Variants in TBC1D19 observed in about 807,000 individuals in gnomAD.
TBC1D19 encodes TBC1 domain family, member 19.
A neutral mutation model predicts 89.0 loss-of-function variants in TBC1D19; 60 were observed. That is an observed-to-expected ratio of 0.67 (90% CI 0.55 to 0.84). The LOEUF (loss-of-function observed/expected upper bound fraction) is 0.84, where lower values mean the gene tolerates loss of function less well. Among genes scored for constraint, TBC1D19 ranks in the 40% least tolerant of loss-of-function variants. TBC1D19 has a pLI of 0.00. For missense variants in TBC1D19, 500 were observed against 610.8 expected, an observed-to-expected ratio of 0.82 and a Z score of 1.91; for synonymous variants, 189 against 199.7, an observed-to-expected ratio of 0.95 and a Z score of 0.45.
chr4:26,648,651 G>T (rs1032674654), intron 7 of TBC1D19, among the ~76,000 whole-genome samples: 4 of 152,154 alleles, frequency 2.6e-5, no homozygotes, highest in African/African-American at 9.7e-5. Flanking sequence ...GTAAAACTTG[G>T]TTAGAAATTA....
chr4:26,601,436 T>C (rs1740600393), intron 1 of TBC1D19, among the ~76,000 whole-genome samples: 1 of 152,140 alleles, frequency 6.6e-6, no homozygotes. Context: ...AGTTACTGAG[T>C]ATATTGAAAG....
chr4:26,794,038 G>T, the TBC1D19 span, among the ~76,000 whole-genome samples: 2 of 152,110 alleles, frequency 1.3e-5, no homozygotes, highest in African/African-American at 4.8e-5. Flanking sequence ...GCTTGGAGGT[G>T]GGATCACGTA....
rs189184570 is a variant in TBC1D19, at chr4:26,678,807, G to A, written c.817-4868G>A. Among the ~76,000 whole-genome samples the A allele has an allele frequency of 9.7e-4, 148 of 152,182 alleles. No individual in the cohort carries two copies. In the Middle Eastern group the frequency reaches 0.014, roughly 14 times the overall value. On this transcript the variant is annotated intron_variant, in intron 11 of 20. Transcript: ENST00000264866. Reference sequence around the variant, plus strand: ...ATATGGGGGAGGTATGTAGCTTTTCGTCCTATAATCATCTTTTTTAGGAAA... The same window carrying A: ...ATATGGGGGAGGTATGTAGCTTTTCATCCTATAATCATCTTTTTTAGGAAA...
chr4:26,747,473 C>G (rs1718712952), intron 18 of TBC1D19, among the ~76,000 whole-genome samples: 1 of 152,124 alleles, frequency 6.6e-6, no homozygotes, highest in Non-Finnish European at 1.5e-5. Flanking sequence ...ATTTCTGAAA[C>G]TTGAGGATCT....
chr4:26,695,192 G>T (rs1300390940), intron 13 of TBC1D19, among the ~76,000 whole-genome samples: 1 of 152,178 alleles, frequency 6.6e-6, no homozygotes, highest in Admixed American at 6.5e-5. Context: ...ACCATGGCAT[G>T]AGAACTACGT....
chr4:26,841,539 A>G, the TBC1D19 span, among the ~76,000 whole-genome samples: 1 of 152,118 alleles, frequency 6.6e-6, no homozygotes, highest in African/African-American at 2.4e-5. Flanking sequence ...GAAAGTGGAG[A>G]TGCCTGACTT....
rs79618486 is a variant in TBC1D19 at position 26,755,824 on chromosome 4, A to G, written c.*877A>G. Among the ~76,000 whole-genome samples, 2 of 152,226 alleles carry G rather than the reference A, an allele frequency of 1.3e-5. No individual in the cohort carries two copies. The highest frequency in any genetic ancestry group is 2.1e-4 in the South Asian group (1 of 4,830). ...CAGCTGAGAGAGATTAAAAGTAGGT[A>G]GTAGGCATTCATTCTAAACTGCAGA... On this transcript the variant is annotated 3_prime_UTR_variant, in exon 21 of 21. Transcript: ENST00000264866.
chr4:26,591,789 A>G (rs1249047132), intron 1 of TBC1D19, among the ~76,000 whole-genome samples: 1 of 152,242 alleles, frequency 6.6e-6, no homozygotes, highest in Non-Finnish European at 1.5e-5. Context: ...CTAAACCAAG[A>G]AGAAGTTGAA....
At chr4:26,582,523 G>A (rs1739115351), upstream of TBC1D19, among the ~76,000 whole-genome samples, 1 of 152,174 alleles carries the variant, frequency 6.6e-6, no homozygotes, top group Non-Finnish European at 1.5e-5. Context: ...TGTTATGGTA[G>A]TGCTCTCTCT....
At chr4:26,633,266 T>C (rs1742911028) in intron 4 of TBC1D19, among the ~76,000 whole-genome samples, 1 of 152,122 alleles carries the variant, frequency 6.6e-6, no homozygotes, top group Non-Finnish European at 1.5e-5. Context: ...GGATGCTGTA[T>C]ATAATGAGCC....
At chr4:26,582,044 T>C (rs556573366), upstream of TBC1D19, among the ~76,000 whole-genome samples, 18 of 152,234 alleles carry the variant, frequency 1.2e-4, no homozygotes, top group South Asian at 3.7e-3. Flanking sequence ...TTTAAGCTTA[T>C]AATTGTTCTC....
intron 7 of TBC1D19, among the ~76,000 whole-genome samples, chr4:26,644,931 A>G (rs1046757031): frequency 2.0e-5 from 3 of 152,234 alleles, no homozygotes; most frequent in African/African-American, 7.2e-5. Context: ...GAGGACACAA[A>G]CAAATGGAAG....
At chr4:26,814,783 A>G in the TBC1D19 span, among the ~76,000 whole-genome samples, 1 of 152,216 alleles carries the variant, frequency 6.6e-6, no homozygotes, top group Admixed American at 6.5e-5. Context: ...TGCTTTGGGA[A>G]CCTGAGGTGG....
the TBC1D19 span, among the ~76,000 whole-genome samples, chr4:26,766,236 C>T: frequency 1.3e-5 from 2 of 152,320 alleles, no homozygotes; most frequent in Middle Eastern, 3.4e-3. Flanking sequence ...TAGAACTTCA[C>T]CCTGAGAGTG....
At chr4:26,740,045 G>A in intron 17 of TBC1D19, 72 bp downstream of exon 17, 4 of 988,944 alleles carry the variant, frequency 4.0e-6, no homozygotes, top group Non-Finnish European at 5.7e-6. Flanking sequence ...TTAAGAAAAA[G>A]TCTTCTACTC....
chr4:26,740,631 T>C (rs1358964596), intron 17 of TBC1D19: 3 of 984,922 alleles, frequency 3.0e-6, no homozygotes, highest in African/African-American at 1.7e-5. Flanking sequence ...ATATCTTTTT[T>C]TTCCCTTCCC....
intron 1 of TBC1D19, among the ~76,000 whole-genome samples, chr4:26,600,942 A>C (rs891342910): frequency 5.3e-5 from 8 of 152,202 alleles, no homozygotes; most frequent in African/African-American, 1.9e-4. Flanking sequence ...GATAGTAGTA[A>C]TTCAACATAT....
At chr4:26,626,430 G>C (rs1742403719) in intron 4 of TBC1D19, among the ~76,000 whole-genome samples, 1 of 152,036 alleles carries the variant, frequency 6.6e-6, no homozygotes, top group Non-Finnish European at 1.5e-5. Flanking sequence ...TTGTATCCTA[G>C]GTAATATTCT....
At chr4:26,842,612 C>CT in the TBC1D19 span, among the ~76,000 whole-genome samples, 28 of 121,180 alleles carry the variant, frequency 2.3e-4, 1 homozygote, top group Admixed American at 2.4e-3. Flanking sequence ...TTCTTTCTTT[C>CT]TTTCTTTCTT....
Sources: gnomAD v4.1 joint callset for allele counts (sites outside exome capture counted in the v4.1 genomes callset) on GRCh38, gnomAD v4.1.1 for gene constraint, MANE v1.5 for transcripts, NCBI Gene and HGNC (gene_info 2026-07-23, HGNC 2026-07-21) for gene names.